NEK4: variants seen among roughly 807,000 people sequenced by gnomAD.
NEK4 encodes serine/threonine-protein kinase Nek4.
In NEK4, 86 loss-of-function variants were observed where a neutral mutation model predicts 98.4. The ratio of observed to expected loss-of-function variants is 0.87; its 90% CI spans 0.73 to 1.05. The LOEUF is 1.05. NEK4 is among the 50% of genes least tolerant of loss of function. NEK4 has a pLI of 0.00. For synonymous variants in NEK4, 328 were observed against 342.2 expected (o/e 0.96, Z 0.46); for missense variants, 898 against 950.3 (o/e 0.94, Z 0.72).
chr3:52,743,368 T>C lies in NEK4; in HGVS notation c.1988A>G (p.Asp663Gly), dbSNP rs2097389969. ...QPLPARRLSSDCSVTQERKQI... is the reference protein window; with the variant it reads ...QPLPARRLSSGCSVTQERKQI... ...GTAATGCACCTGAGTGACGCTGCAG[T>C]CAGAGGAGAGCCGTCGGGCAGGCAA... The change falls in exon 12 of 16, where the codon GAC (aspartate) becomes GGC (glycine). Residue 663 changes from aspartate (D) to glycine (G), a missense_variant. Transcript: ENST00000233027. 1 of 1,614,006 alleles carries C rather than the reference T, an allele frequency of 6.2e-7. No individual in the cohort carries two copies. Among genetic ancestry groups the C allele is most frequent in the Non-Finnish European group, 8.5e-7 (1 of 1,179,914 alleles).
chr3:52,750,930 A>G (rs2097403890), intron 7 of NEK4, among the ~76,000 whole-genome samples: 2 of 152,238 alleles, frequency 1.3e-5, no homozygotes, highest in Admixed American at 6.5e-5. Flanking sequence ...CTGTCTCAAA[A>G]AATTAAAAAA....
chr3:52,754,910 A>G (rs2097412115), intron 6 of NEK4, among the ~76,000 whole-genome samples: 1 of 152,024 alleles, frequency 6.6e-6, no homozygotes, highest in Admixed American at 6.6e-5. Context: ...CGTCTCTACT[A>G]AAAATGCAAA....
At chr3:52,724,792 A>C (rs1431573299) in intron 15 of NEK4, among the ~76,000 whole-genome samples, 1 of 152,198 alleles carries the variant, frequency 6.6e-6, no homozygotes. Flanking sequence ...ACATATTTCA[A>C]AATTGCTAAG....
intron 8 of NEK4, 33 bp from the exon 9 acceptor site, chr3:52,746,937 A>G: frequency 6.6e-7 from 1 of 1,517,580 alleles, no homozygotes; most frequent in Non-Finnish European, 9.1e-7. Context: ...TTTAAAGTAT[A>G]GCAGCAACCT....
At chr3:52,751,603 A>T (rs1056579064) in intron 7 of NEK4, among the ~76,000 whole-genome samples, 2 of 152,012 alleles carry the variant, frequency 1.3e-5, no homozygotes, top group Non-Finnish European at 2.9e-5. Context: ...CCTGGGAAAC[A>T]AGAGTGAAAC....
At chr3:52,745,568 G>T (rs1420799607) in intron 10 of NEK4, among the ~76,000 whole-genome samples, 1 of 149,826 alleles carries the variant, frequency 6.7e-6, no homozygotes, top group Non-Finnish European at 1.5e-5. Flanking sequence ...AACAGAGCGA[G>T]ACTCCACCTC....
At chr3:52,755,473 T>C (rs1469150498) in intron 6 of NEK4, among the ~76,000 whole-genome samples, 4 of 151,036 alleles carry the variant, frequency 2.6e-5, no homozygotes, top group Non-Finnish European at 2.9e-5. Flanking sequence ...TTCAGGGCTG[T>C]GAAAAAAAAA....
At chr3:52,743,250 C>G (rs1278813996) in intron 12 of NEK4, 102 bp downstream of exon 12, 2 of 825,282 alleles carry the variant, frequency 2.4e-6, no homozygotes, top group African/African-American at 1.7e-5. Context: ...AACAAGCTGG[C>G]CCTGTCCCAA....
At chr3:52,728,739 GT>G (rs2097366839) in intron 15 of NEK4, among the ~76,000 whole-genome samples, 1 of 152,150 alleles carries the variant, frequency 6.6e-6, no homozygotes, top group South Asian at 2.1e-4. Context: ...AGACATGCAA[GT>G]AGGGAAGATA....
intron 6 of NEK4, among the ~76,000 whole-genome samples, chr3:52,757,561 A>G (rs1205982297): frequency 7.4e-6 from 1 of 135,600 alleles, no homozygotes; most frequent in Non-Finnish European, 1.5e-5. Context: ...GTCTCAAAAA[A>G]AAAAAAAAAA....
intron 7 of NEK4, among the ~76,000 whole-genome samples, chr3:52,751,327 G>A (rs1170799512): frequency 2.0e-5 from 3 of 151,990 alleles, no homozygotes; most frequent in Non-Finnish European, 4.4e-5. Context: ...GTGGTGGTGG[G>A]TGCTTGTAGT....
chr3:52,739,058 G>A (rs2154103584), intron 14 of NEK4, among the ~76,000 whole-genome samples: 1 of 152,270 alleles, frequency 6.6e-6, no homozygotes, highest in Non-Finnish European at 1.5e-5. Context: ...TTAGTTCCTT[G>A]TTTTGACACA....
chr3:52,743,352 C>G lies in NEK4; in HGVS notation c.2004G>C (p.Gln668His). The G allele has an allele frequency of 6.2e-7, 1 of 1,613,086 alleles. No homozygotes were observed. The highest frequency in any genetic ancestry group is 8.5e-7 in the Non-Finnish European group (1 of 1,179,106). ...TCTCTCTTAGGAGTACGTAATGCAC[C>G]TGAGTGACGCTGCAGTCAGAGGAGA... ...RRLSSDCSVTQERKQIHCLSE... is the reference protein window; with the variant it reads ...RRLSSDCSVTHERKQIHCLSE... The change falls in exon 12 of 16, where the codon CAG (glutamine) becomes CAC (histidine). Residue 668 changes from glutamine (Q) to histidine (H), a missense_variant and splice_region_variant. Coordinates refer to ENST00000233027, the MANE Select transcript of NEK4 (RefSeq NM_003157.6).
At chr3:52,738,609 C>G (rs2097380388) in intron 14 of NEK4, among the ~76,000 whole-genome samples, 1 of 151,960 alleles carries the variant, frequency 6.6e-6, no homozygotes, top group Admixed American at 6.6e-5. Context: ...AGCCACTATG[C>G]CTGGCTAATT....
chr3:52,770,714 G>A lies in NEK4; in HGVS notation c.33C>T (p.Val11=), dbSNP rs1375112753. 1.3e-6 allele frequency: 2 copies of A among 1,577,348 alleles called. No individual in the cohort carries two copies. Among genetic ancestry groups the A allele is most frequent in the Admixed American group, 1.8e-5 (1 of 55,336 alleles). ...CCTCTCCATAGCTCCCCTTGCCCACGACCCGCAGGTAGCAGTAGGCGGCCA... is the reference window on the plus strand; with the variant it reads ...CCTCTCCATAGCTCCCCTTGCCCACAACCCGCAGGTAGCAGTAGGCGGCCA... MPLAAYCYLR[V]VGKGSYGEVT... Residue 11 remains valine, a synonymous_variant, in exon 1 of 16, where the codon GTC becomes GTT. Transcript: ENST00000233027.
intron 15 of NEK4, among the ~76,000 whole-genome samples, chr3:52,716,464 C>T (rs1307442176): frequency 6.6e-6 from 1 of 152,212 alleles, no homozygotes; most frequent in Non-Finnish European, 1.5e-5. Context: ...CTGTTTTAAT[C>T]TTTCATCTGA....
chr3:52,721,304 C>T (rs1402109946), intron 15 of NEK4, among the ~76,000 whole-genome samples: 1 of 152,220 alleles, frequency 6.6e-6, no homozygotes, highest in African/African-American at 2.4e-5. Context: ...CCATCACTGA[C>T]ACTGTTGCAA....
rs1480823575 is a variant in NEK4, at chr3:52,708,461, G to C, written c.*3316C>G. ...ACACGATGCATTGTTAAGTACTTAAGATTTATTGAATGAGAACTGCATTGT... is the reference window on the plus strand; with the variant it reads ...ACACGATGCATTGTTAAGTACTTAACATTTATTGAATGAGAACTGCATTGT... On this transcript the variant is annotated 3_prime_UTR_variant, in exon 16 of 16. Coordinates refer to ENST00000233027, the MANE Select transcript of NEK4 (RefSeq NM_003157.6). 3 of 152,208 alleles carry C rather than the reference G, an allele frequency of 2.0e-5. No homozygotes were observed. The highest frequency in any genetic ancestry group is 2.9e-5 in the Non-Finnish European group (2 of 68,056). The allele number at this position is 152,208 out of a possible 1,614,324, so 9.4% of individuals were successfully genotyped here. A position where few individuals can be genotyped will look rare whatever the true frequency, so the allele number is the denominator to read the frequency against.
chr3:52,740,241 G>A (rs1307576147), intron 13 of NEK4, among the ~76,000 whole-genome samples: 1 of 152,006 alleles, frequency 6.6e-6, no homozygotes, highest in Admixed American at 6.6e-5. Context: ...ATATCCAAAA[G>A]TGACACGACT....
Sources: gnomAD v4.1 joint callset for allele counts (sites outside exome capture counted in the v4.1 genomes callset) on GRCh38, gnomAD v4.1.1 for gene constraint, MANE v1.5 for transcripts, NCBI Gene and HGNC (gene_info 2026-07-23, HGNC 2026-07-21) for gene names.